Variants in DCBLD1 observed in about 807,000 individuals in gnomAD.
The protein encoded by DCBLD1 is discoidin, CUB and LCCL domain containing 1, also known as discoidin, CUB and LCCL domain-containing protein 1.
DCBLD1 carries 57 observed loss-of-function variants against 71.5 expected under a neutral mutation model. The ratio of observed to expected loss-of-function variants is 0.80; its 90% CI spans 0.64 to 0.99. DCBLD1 has a LOEUF of 0.99. DCBLD1 is among the 50% of genes least tolerant of loss of function. The pLI, the probability that DCBLD1 is intolerant of heterozygous loss-of-function variation, is 0.00. For missense variants in DCBLD1, 891 were observed against 923.5 expected (o/e 0.96, Z 0.46); for synonymous variants, 380 against 363.8 (o/e 1.04, Z -0.51).
At position 117,537,238 on chromosome 6, in the gene DCBLD1, C is replaced by T. The variant is rs747479671; in HGVS notation, c.760+13C>T. The stretch of plus-strand genomic sequence containing the variant: ...TTTACCTCCAATGGTAAGGATCATG[C>T]TTTCCTTAAGAATTTGATATTTTCG... On this transcript the variant is annotated intron_variant, in intron 7 of 14. Coordinates refer to ENST00000338728, the MANE Select transcript of DCBLD1 (RefSeq NM_001366458.2). The T allele has an allele frequency of 1.2e-6, 2 of 1,613,358 alleles. No individual in the cohort carries two copies.
chr6:117,504,028 TG>T (rs1562436459), intron 2 of DCBLD1, 49 bp downstream of exon 2: 1 of 1,594,500 alleles, frequency 6.3e-7, no homozygotes, highest in Admixed American at 1.7e-5. Context: ...TTTTGATATT[TG>T]CAGAGAAGGG....
At chr6:117,523,426 A>G (rs78830777) in intron 4 of DCBLD1, among the ~76,000 whole-genome samples, 3,963 of 152,324 alleles carry the variant, frequency 0.026, 78 homozygotes, top group East Asian at 0.051. Context: ...ATGTCTTTAC[A>G]TATGTTATTT....
chr6:117,554,518 T>A (rs1779471554), downstream of DCBLD1, among the ~76,000 whole-genome samples: 1 of 152,224 alleles, frequency 6.6e-6, no homozygotes, highest in African/African-American at 2.4e-5. Context: ...GATGTCCCAA[T>A]GTTAAACATC....
Position 117,521,537 on chromosome 6 carries a change from G to A in DCBLD1, c.473G>A (p.Cys158Tyr). 1 of 1,574,650 alleles carries A rather than the reference G, an allele frequency of 6.4e-7. No homozygotes were observed. Among genetic ancestry groups the A allele is most frequent in the Non-Finnish European group, 8.6e-7 (1 of 1,168,000 alleles). Residue 158 changes from cysteine (C) to tyrosine (Y), a missense_variant, in exon 4 of 15, where the codon TGT becomes TAT. By Grantham distance (194) the Cys-to-Tyr change is radical (BLOSUM62 -2). Transcript: ENST00000338728. ...ASSDHPDLITCLERASHYLKT... is the reference protein window; with the variant it reads ...ASSDHPDLITYLERASHYLKT... ...TTATTTATGACAGATTTAATAACAT[G>A]TTTGGAACGAGCTAGCCATTATTTG...
At chr6:117,521,243 C>T (rs1778373942) in intron 3 of DCBLD1, among the ~76,000 whole-genome samples, 1 of 152,150 alleles carries the variant, frequency 6.6e-6, no homozygotes, top group African/African-American at 2.4e-5. Context: ...TGGATAGCAA[C>T]TAAAGAGTAT....
intron 2 of DCBLD1, among the ~76,000 whole-genome samples, chr6:117,506,400 C>T (rs1562438137): frequency 1.3e-5 from 2 of 152,012 alleles, no homozygotes; most frequent in Non-Finnish European, 2.9e-5. Context: ...GTGGACTGGC[C>T]CATTATTACA....
At chr6:117,483,058 C>CT (rs1776957517) in intron 1 of DCBLD1, among the ~76,000 whole-genome samples, 165 bp downstream of exon 1, 1 of 152,030 alleles carries the variant, frequency 6.6e-6, no homozygotes, top group African/African-American at 2.4e-5. Flanking sequence ...CGGAGTCCGG[C>CT]TCTACCCGCG....
At chr6:117,541,428 T>C (rs145099670) in intron 11 of DCBLD1, among the ~76,000 whole-genome samples, 20 of 152,254 alleles carry the variant, frequency 1.3e-4, no homozygotes, top group African/African-American at 4.8e-4. Flanking sequence ...CCACCCTTTC[T>C]GCAAAAAGGA....
At chr6:117,566,823 T>C (rs754635148) in intron 14 of DCBLD1, 4 of 1,370,842 alleles carry the variant, frequency 2.9e-6, no homozygotes, top group Middle Eastern at 1.9e-4. Context: ...ATAATGAATA[T>C]GTTAATAATA....
At chr6:117,495,876 TGATGTCTTTG>T (rs1777451818) in intron 1 of DCBLD1, among the ~76,000 whole-genome samples, 1 of 152,234 alleles carries the variant, frequency 6.6e-6, no homozygotes, top group Non-Finnish European at 1.5e-5. Context: ...TGGTAATTAT[TGATGTCTTTG>T]GACACTGATG....
chr6:117,519,755 A>T (rs1429628157), intron 2 of DCBLD1, 61 bp from the exon 3 acceptor site: 1 of 1,578,852 alleles, frequency 6.3e-7, no homozygotes, highest in East Asian at 2.3e-5. Flanking sequence ...AAAATGCCAT[A>T]TACCAGTCAT....
intron 12 of DCBLD1, among the ~76,000 whole-genome samples, chr6:117,543,766 T>A (rs928436234): frequency 6.6e-6 from 1 of 152,180 alleles, no homozygotes; most frequent in African/African-American, 2.4e-5. Context: ...TTTAGAAGTA[T>A]CTGTGCTTCT....
At chr6:117,513,074 G>A (rs1303825603) in intron 2 of DCBLD1, among the ~76,000 whole-genome samples, 1 of 152,116 alleles carries the variant, frequency 6.6e-6, no homozygotes, top group African/African-American at 2.4e-5. Flanking sequence ...TCATTGCCTT[G>A]TAATGCCCAG....
At chr6:117,545,326 A>G in intron 13 of DCBLD1, 152 bp from the exon 14 acceptor site, 1 of 985,334 alleles carries the variant, frequency 1.0e-6, no homozygotes, top group Non-Finnish European at 1.5e-6. Flanking sequence ...TGACCTTGGC[A>G]TGCTGTTCTT....
chr6:117,531,688 G>A (rs975620680), intron 5 of DCBLD1, among the ~76,000 whole-genome samples: 4 of 152,168 alleles, frequency 2.6e-5, no homozygotes, highest in Non-Finnish European at 5.9e-5. Flanking sequence ...TCCATTTAAT[G>A]TTCTGTGGCT....
rs192744908 is a variant in DCBLD1, at chr6:117,512,652, G to A, written c.326-7164G>A. On this transcript the variant is annotated intron_variant, in intron 2 of 14. Transcript: ENST00000338728. Reference sequence around the variant, plus strand: ...CGCCTGGCAGCCAAATATTCCATGTGGCTGTCTCCACCCACATGTACTCCC... The same window carrying A: ...CGCCTGGCAGCCAAATATTCCATGTAGCTGTCTCCACCCACATGTACTCCC... Among the ~76,000 whole-genome samples the A allele has an allele frequency of 1.9e-3, 293 of 152,262 alleles. 1 individual carries two copies. Among genetic ancestry groups the A allele is most frequent in the African/African-American group, 6.5e-3 (270 of 41,546 alleles).
At chr6:117,537,500 C>G (rs562545727) in intron 7 of DCBLD1, among the ~76,000 whole-genome samples, 50 of 149,782 alleles carry the variant, frequency 3.3e-4, no homozygotes, top group Middle Eastern at 3.4e-3. Flanking sequence ...CGCCACTGCA[C>G]TCCAGCCTGG....
At position 117,548,277 on chromosome 6, in the gene DCBLD1, CAG is replaced by C. The variant is rs777029216; in HGVS notation, c.1987_1988del (p.Arg663GlyfsTer19). On this transcript the variant is annotated frameshift_variant, in exon 15 of 15. Coordinates refer to ENST00000338728, the MANE Select transcript of DCBLD1 (RefSeq NM_001366458.2). LOFTEE classifies it low-confidence loss of function (END_TRUNC). ...QRPHSAQPAD[R>X]GYDRPKAVSA... ...GGCCACACAGCGCACAGCCTGCGGACAGGGGCTACGACCGGCCCAAAGCTGTC... is the reference window on the plus strand; with the variant it reads ...GGCCACACAGCGCACAGCCTGCGGACGGGCTACGACCGGCCCAAAGCTGTC... The C allele has an allele frequency of 7.1e-6, 11 of 1,550,546 alleles. No homozygotes were observed. The highest frequency in any genetic ancestry group is 4.1e-5 in the African/African-American group (3 of 73,078).
rs567923693 is a variant in DCBLD1, at chr6:117,563,318, G to A, written c.1616-6302G>A. ...TAATTTTGAAGCACCGTCATCTAGC[G>A]GAGTTTCACTTGCAGTGCCCAGGTC... is the stretch of plus-strand genomic sequence containing the variant. On this transcript the variant is annotated intron_variant, in intron 14 of 14. Coordinates refer to the DCBLD1 transcript ENST00000296955. 5.6e-6 allele frequency: 9 copies of A among 1,612,590 alleles called. No individual in the cohort carries two copies. The African/African-American group carries it at 8.0e-5, about 14-fold the overall frequency.
Sources: gnomAD v4.1 joint callset for allele counts (sites outside exome capture counted in the v4.1 genomes callset) on GRCh38, gnomAD v4.1.1 for gene constraint, MANE v1.5 for transcripts, NCBI Gene and HGNC (gene_info 2026-07-23, HGNC 2026-07-21) for gene names.